FARS2: variants seen among roughly 807,000 people sequenced by gnomAD.
FARS2 encodes the protein phenylalanyl-tRNA synthetase 2, mitochondrial.
In FARS2, 40 loss-of-function variants were observed where a neutral mutation model predicts 46.4. The ratio of observed to expected loss-of-function variants is 0.86; its 90% CI spans 0.67 to 1.12. FARS2 has a LOEUF of 1.12. Ranked by LOEUF, FARS2 falls within the 50% of genes most tolerant of loss-of-function variation. The pLI is 0.00. For synonymous variants in FARS2, 234 were observed against 214.9 expected, an observed-to-expected ratio of 1.09 and a Z score of -0.78; for missense variants, 513 against 567.9, an observed-to-expected ratio of 0.90 and a Z score of 0.98.
At chr6:5,626,936 G>C (rs1172229661) in intron 6 of FARS2, among the ~76,000 whole-genome samples, 1 of 152,202 alleles carries the variant, frequency 6.6e-6, no homozygotes, top group Non-Finnish European at 1.5e-5. Context: ...CCACAAACCT[G>C]CACAGCATGT....
At chr6:5,259,629 G>A (rs1330576983), upstream of FARS2, among the ~76,000 whole-genome samples, 1 of 152,178 alleles carries the variant, frequency 6.6e-6, no homozygotes, top group Non-Finnish European at 1.5e-5. Flanking sequence ...TGCTGGAGGG[G>A]GGCCTACCTA....
At chr6:5,342,759 A>G (rs892357425) in intron 1 of FARS2, among the ~76,000 whole-genome samples, 1 of 152,108 alleles carries the variant, frequency 6.6e-6, no homozygotes, top group African/African-American at 2.4e-5. Flanking sequence ...TCTAAGAAAA[A>G]AAAAAAAAAG....
intron 6 of FARS2, among the ~76,000 whole-genome samples, chr6:5,755,396 G>A (rs1762155069): frequency 1.3e-5 from 2 of 151,882 alleles, no homozygotes; most frequent in Admixed American, 1.3e-4. Flanking sequence ...GGGTCCATGT[G>A]TTCTCATTGT....
intron 2 of FARS2, among the ~76,000 whole-genome samples, chr6:5,386,669 G>A (rs1760154100): frequency 6.6e-6 from 1 of 152,094 alleles, no homozygotes; most frequent in Non-Finnish European, 1.5e-5. Context: ...GGGAAGTGAG[G>A]GAAAGGGAAA....
intron 6 of FARS2, among the ~76,000 whole-genome samples, chr6:5,660,836 T>G (rs79301391): frequency 4.6e-5 from 7 of 152,074 alleles, no homozygotes; most frequent in African/African-American, 1.7e-4. Context: ...GGACATGGTG[T>G]TGAGGCTGAA....
At chr6:5,316,952 A>G (rs1286613846) in intron 1 of FARS2, among the ~76,000 whole-genome samples, 1 of 152,174 alleles carries the variant, frequency 6.6e-6, no homozygotes, top group Non-Finnish European at 1.5e-5. Context: ...GGGGAAAAGT[A>G]AAGCTGAGAC....
chr6:5,663,547 G>C (rs533254055), intron 6 of FARS2, among the ~76,000 whole-genome samples: 7 of 152,238 alleles, frequency 4.6e-5, no homozygotes, highest in Non-Finnish European at 8.8e-5. Flanking sequence ...AATGTGTTTC[G>C]ATGAGATCAG....
At chr6:5,713,595 C>T (rs1339659972) in intron 6 of FARS2, among the ~76,000 whole-genome samples, 1 of 152,240 alleles carries the variant, frequency 6.6e-6, no homozygotes, top group African/African-American at 2.4e-5. Flanking sequence ...AATGCAGGCA[C>T]CCACAGAAAT....
At chr6:5,579,672 T>A (rs1320436000) in intron 5 of FARS2, among the ~76,000 whole-genome samples, 1 of 152,214 alleles carries the variant, frequency 6.6e-6, no homozygotes, top group East Asian at 1.9e-4. Flanking sequence ...GAACATGCTT[T>A]ATACGGCATG....
Position 5,667,792 on chromosome 6 carries a change from T to G in FARS2, c.1217+54472T>G, listed in dbSNP as rs2150798412. 2.0e-5 allele frequency among the ~76,000 whole-genome samples: 3 copies of G among 152,264 alleles called. No homozygotes were observed. In the South Asian group the frequency reaches 6.2e-4, roughly 31 times the overall value. On this transcript the variant is annotated intron_variant, in intron 6 of 6. Transcript: ENST00000274680. ...ATGCAAAGGTATTAGCAACAGTTAG[T>G]TTACATTTCTTTCTGGCTGCATTTA...
the FARS2 span, among the ~76,000 whole-genome samples, chr6:5,250,608 A>G: frequency 1.3e-5 from 2 of 152,240 alleles, no homozygotes; most frequent in Admixed American, 6.5e-5. Context: ...TTAGGCACAC[A>G]TGAATCACCT....
intron 5 of FARS2, among the ~76,000 whole-genome samples, chr6:5,557,210 C>T (rs2150527642): frequency 6.6e-6 from 1 of 152,152 alleles, no homozygotes. Flanking sequence ...GGAGGGATGA[C>T]TTTGGCTTCA....
At chr6:5,551,516 T>A (rs188506714) in intron 5 of FARS2, among the ~76,000 whole-genome samples, 1 of 152,240 alleles carries the variant, frequency 6.6e-6, no homozygotes, top group Non-Finnish European at 1.5e-5. Context: ...ATTCCAAGGC[T>A]AATTCCACAT....
At chr6:5,455,597 T>A (rs1024506595) in intron 4 of FARS2, among the ~76,000 whole-genome samples, 9 of 152,348 alleles carry the variant, frequency 5.9e-5, no homozygotes, top group Non-Finnish European at 1.0e-4. Flanking sequence ...TCATGGAGGT[T>A]CTAAACATCT....
chr6:5,257,098 C>T (rs1764713432), upstream of FARS2, among the ~76,000 whole-genome samples: 1 of 152,164 alleles, frequency 6.6e-6, no homozygotes, highest in South Asian at 2.1e-4. Flanking sequence ...TCATCTTCTA[C>T]ACTGCTGCCA....
chr6:5,310,525 A>T (rs1211034044), intron 1 of FARS2, among the ~76,000 whole-genome samples: 1 of 152,194 alleles, frequency 6.6e-6, no homozygotes, highest in Non-Finnish European at 1.5e-5. Flanking sequence ...ACTCATAGAA[A>T]TAAGTAATGA....
chr6:5,474,659 T>C (rs1442598278), intron 4 of FARS2, among the ~76,000 whole-genome samples: 4 of 98,056 alleles, frequency 4.1e-5, no homozygotes, highest in Non-Finnish European at 8.7e-5. Context: ...AAAAATACAG[T>C]ACTGTTTTTT....
At chr6:5,409,587 C>T (rs1761816056) in intron 3 of FARS2, among the ~76,000 whole-genome samples, 1 of 152,172 alleles carries the variant, frequency 6.6e-6, no homozygotes, top group Admixed American at 6.5e-5. Context: ...ATCGATGTTG[C>T]TATTTTATAA....
intron 1 of FARS2, among the ~76,000 whole-genome samples, chr6:5,298,448 T>C (rs1267171125): frequency 6.6e-6 from 1 of 152,210 alleles, no homozygotes; most frequent in Non-Finnish European, 1.5e-5. Context: ...TTTAGACAAA[T>C]GCTTCTTGTC....
Sources: allele counts gnomAD v4.1 joint callset (sites outside exome capture counted in the v4.1 genomes callset), GRCh38; gene constraint gnomAD v4.1.1; transcripts MANE v1.5; gene names NCBI Gene and HGNC (gene_info 2026-07-23, HGNC 2026-07-21).